Variants in OR2C1 observed in about 807,000 individuals in gnomAD.
The protein encoded by OR2C1 is olfactory receptor 2C1.
For synonymous variants in OR2C1, 209 were observed against 167.3 expected (o/e 1.25, Z -1.92); for missense variants, 468 against 388.3 (o/e 1.21, Z -1.73).
chr16:3,346,036 T>G, the OR2C1 span, among the ~76,000 whole-genome samples: 2 of 152,144 alleles, frequency 1.3e-5, no homozygotes, highest in African/African-American at 4.8e-5. Flanking sequence ...GATCTCACTA[T>G]GTTGCCCAGG....
chr16:3,330,432 C>G, the OR2C1 span, among the ~76,000 whole-genome samples: 1 of 152,064 alleles, frequency 6.6e-6, no homozygotes, highest in Non-Finnish European at 1.5e-5. Flanking sequence ...AAGACTTTTT[C>G]TAAAGCTACA....
chr16:3,337,696 T>G, the OR2C1 span, among the ~76,000 whole-genome samples: 1 of 152,172 alleles, frequency 6.6e-6, no homozygotes, highest in East Asian at 1.9e-4. Flanking sequence ...AAATGCTATT[T>G]TGAATTCTGG....
At chr16:3,328,199 G>A in the OR2C1 span, among the ~76,000 whole-genome samples, 1 of 152,200 alleles carries the variant, frequency 6.6e-6, no homozygotes, top group Non-Finnish European at 1.5e-5. Context: ...ACAAACTGCT[G>A]TGAAAGATCC....
chr16:3,329,550 T>C, the OR2C1 span, among the ~76,000 whole-genome samples: 124,034 of 150,770 alleles, frequency 0.82, 50,941 homozygotes, highest in East Asian at 0.93. Flanking sequence ...CCCAGGTTCA[T>C]GCCATTCTCC....
chr16:3,325,983 T>A, the OR2C1 span, among the ~76,000 whole-genome samples: 1 of 146,650 alleles, frequency 6.8e-6, no homozygotes, highest in African/African-American at 2.6e-5. Context: ...CAGGCTGGAG[T>A]GCAGTGGTGC....
chr16:3,335,597 G>T, the OR2C1 span, among the ~76,000 whole-genome samples: 1 of 133,702 alleles, frequency 7.5e-6, no homozygotes, highest in East Asian at 2.2e-4. Flanking sequence ...CGCAATATTG[G>T]CTCACTGCAA....
the OR2C1 span, among the ~76,000 whole-genome samples, chr16:3,342,837 A>G: frequency 6.6e-6 from 1 of 152,114 alleles, no homozygotes; most frequent in African/African-American, 2.4e-5. Flanking sequence ...AGATCGCTGC[A>G]CTCTAGACTG....
the OR2C1 span, among the ~76,000 whole-genome samples, chr16:3,345,650 T>C: frequency 2.0e-5 from 3 of 152,082 alleles, no homozygotes; most frequent in Non-Finnish European, 4.4e-5. Context: ...AACACATCAA[T>C]AGAGTAGGTG....
the OR2C1 span, among the ~76,000 whole-genome samples, chr16:3,332,992 A>G: frequency 3.9e-5 from 6 of 152,114 alleles, no homozygotes; most frequent in East Asian, 1.2e-3. Flanking sequence ...TACATTCCCA[A>G]CAACAGCGTA....
the OR2C1 span, among the ~76,000 whole-genome samples, chr16:3,333,934 A>G: frequency 6.6e-6 from 1 of 150,392 alleles, no homozygotes; most frequent in African/African-American, 2.5e-5. Flanking sequence ...TTTCCCAAGC[A>G]CCATTTATTG....
chr16:3,349,490 C>A, the OR2C1 span, among the ~76,000 whole-genome samples: 1 of 152,130 alleles, frequency 6.6e-6, no homozygotes, highest in African/African-American at 2.4e-5. Context: ...ACAGGAGGAG[C>A]GCAGCACAGC....
chr16:3,337,716 C>G, the OR2C1 span, among the ~76,000 whole-genome samples: 2 of 152,084 alleles, frequency 1.3e-5, no homozygotes, highest in Non-Finnish European at 2.9e-5. Context: ...GGTCAGAGAG[C>G]TCACATATTG....
chr16:3,341,775 A>C, the OR2C1 span, among the ~76,000 whole-genome samples: 1 of 152,192 alleles, frequency 6.6e-6, no homozygotes, highest in African/African-American at 2.4e-5. Flanking sequence ...CACCAACCCC[A>C]TATTTTAGGG....
chr16:3,344,996 T>C, the OR2C1 span, among the ~76,000 whole-genome samples: 1 of 152,096 alleles, frequency 6.6e-6, no homozygotes, highest in African/African-American at 2.4e-5. Flanking sequence ...CATTACAGCA[T>C]TGTTGTCATT....
At chr16:3,355,586 A>G (rs1021488993), upstream of OR2C1, among the ~76,000 whole-genome samples, 10 of 151,884 alleles carry the variant, frequency 6.6e-5, no homozygotes, top group Admixed American at 1.3e-4. Context: ...GTTGGAGACA[A>G]CCCTGGGCAA....
At chr16:3,350,946 C>T (rs562955668), upstream of OR2C1, among the ~76,000 whole-genome samples, 1 of 141,256 alleles carries the variant, frequency 7.1e-6, no homozygotes, top group Non-Finnish European at 1.5e-5. Context: ...GAGGCTGAGG[C>T]GGGAGGATTG....
the OR2C1 span, among the ~76,000 whole-genome samples, chr16:3,334,690 G>A: frequency 6.6e-6 from 1 of 151,746 alleles, no homozygotes; most frequent in East Asian, 1.9e-4. Context: ...ATAAATGCAT[G>A]GATTTAATCT....
chr16:3,342,810 C>G, the OR2C1 span, among the ~76,000 whole-genome samples: 1 of 151,992 alleles, frequency 6.6e-6, no homozygotes, highest in South Asian at 2.1e-4. Flanking sequence ...CCGGGAGGTA[C>G]AGGTTGCAGT....
chr16:3,330,094 G>GT, the OR2C1 span, among the ~76,000 whole-genome samples: 5 of 148,334 alleles, frequency 3.4e-5, no homozygotes, highest in Non-Finnish European at 5.9e-5. Context: ...GTTTGTTTTT[G>GT]TTTTTTTGTT....
Sources: gnomAD v4.1 joint callset for allele counts (sites outside exome capture counted in the v4.1 genomes callset) on GRCh38, gnomAD v4.1.1 for gene constraint, MANE v1.5 for transcripts, NCBI Gene and HGNC (gene_info 2026-07-23, HGNC 2026-07-21) for gene names.